Variants in PIEZO1 observed in about 807,000 individuals in gnomAD.
PIEZO1 encodes piezo-type mechanosensitive ion channel component 1.
PIEZO1 carries 296 observed loss-of-function variants against 297.2 expected under a neutral mutation model. The ratio of observed to expected loss-of-function variants is 1.00; its 90% CI spans 0.91 to 1.10. The LOEUF (loss-of-function observed/expected upper bound fraction) is 1.10. PIEZO1 is among the 50% of genes least tolerant of loss of function. PIEZO1 has a pLI of 0.00. For missense variants in PIEZO1, 5,018 were observed against 3,455.5 expected (o/e 1.45, Z -11.34); for synonymous variants, 2,427 against 1,507.5 (o/e 1.61, Z -14.13).
At chr16:88,725,132 T>A (rs978508710) in intron 29 of PIEZO1, 52 bp from the exon 30 acceptor site, 1 of 1,318,442 alleles carries the variant, frequency 7.6e-7, no homozygotes, top group South Asian at 1.4e-5. Context: ...CCAGGAGGGG[T>A]CGGGGCTGTG....
chr16:88,724,916 G>T (rs868231038), intron 30 of PIEZO1, 93 bp downstream of exon 30: 22 of 799,242 alleles, frequency 2.8e-5, no homozygotes, highest in African/African-American at 3.6e-5. Flanking sequence ...TGGGAGTCGG[G>T]GGAAGGGAGG....
At chr16:88,761,379 C>T (rs1906924954) in intron 1 of PIEZO1, among the ~76,000 whole-genome samples, 1 of 152,244 alleles carries the variant, frequency 6.6e-6, no homozygotes, top group Non-Finnish European at 1.5e-5. Context: ...TCTTGTGGCA[C>T]TGCCCTGCCC....
Position 88,749,494 on chromosome 16 carries a change from G to C in PIEZO1, c.65-15C>G, listed in dbSNP as rs925702869. On this transcript the variant is annotated splice_polypyrimidine_tract_variant and intron_variant, in intron 1 of 50. Transcript: ENST00000301015. ...GAGCAGGCAGGCTGCGGGGAGATGG[G>C]CGTTAACTAGGTCGCCAACAGAGGA... 3.3e-6 allele frequency: 5 copies of C among 1,519,504 alleles called. No homozygotes were observed. The highest frequency in any genetic ancestry group is 2.0e-4 in the Middle Eastern group (1 of 4,942). 94.1% of individuals were successfully genotyped at this position (1,519,504 alleles called of 1,614,324 possible).
intron 10 of PIEZO1, 133 bp downstream of exon 10, chr16:88,737,426 C>T (rs1415177901): frequency 1.6e-6 from 1 of 632,570 alleles, no homozygotes; most frequent in East Asian, 2.9e-5. Context: ...CGTGGATGTC[C>T]TGGGCCCCCG....
rs1455856645 is a variant in PIEZO1 at position 88,720,520 on chromosome 16, T to G, written c.5814A>C (p.Thr1938=). 6.5e-7 allele frequency: 1 copy of G among 1,549,988 alleles called. No homozygotes were observed. Among genetic ancestry groups the G allele is most frequent in the Non-Finnish European group, 8.7e-7 (1 of 1,146,944 alleles). ...GGAAGAAGCGCCGTAGCGGCCGATA[T>G]GTGCCCTGGGCCCTGCGGAAGGGGG... The part of the protein sequence containing the change: ...QGFCLSLAQG[T]YRPLRRFFHD... Residue 1938 remains threonine (T), a synonymous_variant, in exon 41 of 51, where the codon ACA becomes ACC. Coordinates refer to ENST00000301015, the MANE Select transcript of PIEZO1 (RefSeq NM_001142864.4).
chr16:88,721,353 G>A lies in PIEZO1; in HGVS notation c.5481C>T (p.Ala1827=), dbSNP rs181795315. Residue 1827 remains alanine, a synonymous_variant, in exon 39 of 51, where the codon GCC becomes GCT. Coordinates refer to ENST00000301015, the MANE Select transcript of PIEZO1 (RefSeq NM_001142864.4). ...CCGCAGGCACCCCTGGCCCCTCCTC[G>A]GCTCCCTGCTCCTCCTCGCCGCTCT... ...HDKSGEEEQG[A]EEGPGVPAAT... is the part of the protein sequence containing the mutation. 1.1e-4 allele frequency: 165 copies of A among 1,548,812 alleles called. No individual in the cohort carries two copies. In the African/African-American group the frequency reaches 1.8e-3, roughly 17 times the overall value.
At chr16:88,757,537 G>C (rs1026706981) in intron 1 of PIEZO1, among the ~76,000 whole-genome samples, 3 of 6,662 alleles carry the variant, frequency 4.5e-4, no homozygotes, top group Non-Finnish European at 7.3e-4. Flanking sequence ...CTTCTCAAAG[G>C]AAGTGGAGCC....
At chr16:88,749,360 G>C (rs556868303) in intron 2 of PIEZO1, 24 bp downstream of exon 2, 1 of 1,436,526 alleles carries the variant, frequency 7.0e-7, no homozygotes, top group Admixed American at 2.8e-5. Context: ...CCCTGAGAGC[G>C]TGGGCAGGGT....
intron 1 of PIEZO1, among the ~76,000 whole-genome samples, chr16:88,770,345 A>T (rs928715311): frequency 6.6e-6 from 1 of 152,070 alleles, no homozygotes; most frequent in African/African-American, 2.4e-5. Context: ...CCCCGCCTGC[A>T]TCACTTTCTG....
Position 88,731,861 on chromosome 16 carries a change from A to C in PIEZO1, c.3041T>G (p.Leu1014Arg). 2 of 1,018,908 alleles carry C rather than the reference A, an allele frequency of 2.0e-6. No homozygotes were observed. Among genetic ancestry groups the C allele is most frequent in the Non-Finnish European group, 2.4e-6 (2 of 840,936 alleles). The allele number at this position is 1,018,908 out of a possible 1,614,324, so 63.1% of individuals were successfully genotyped here. ...VNVIGQRMNF[L>R]VTLHGCWLVA... Reference sequence around the variant, plus strand: ...CAGCCAGCAACCGTGCAGGGTCACCAGAAAGTTCATGCGCTGCCCGATCAC... The same window carrying C: ...CAGCCAGCAACCGTGCAGGGTCACCCGAAAGTTCATGCGCTGCCCGATCAC... Residue 1014 changes from leucine to arginine, a missense_variant, in exon 22 of 51, where the codon CTG becomes CGG. Physicochemically the swap from Leu to Arg is moderately radical, Grantham distance 102. Transcript: ENST00000301015.
At chr16:88,752,187 C>G (rs137878379) in intron 1 of PIEZO1, among the ~76,000 whole-genome samples, 1 of 152,192 alleles carries the variant, frequency 6.6e-6, no homozygotes, top group Admixed American at 6.5e-5. Context: ...ATGCGGCTAA[C>G]GTGACAAACT....
intron 1 of PIEZO1, among the ~76,000 whole-genome samples, chr16:88,757,319 C>CCG (rs1906715873): frequency 2.0e-4 from 2 of 10,240 alleles, no homozygotes; most frequent in South Asian, 5.8e-3. Context: ...GCGTTGCTGG[C>CCG]GGGGGGGTGG....
rs1321672843 is a variant in PIEZO1 at position 88,766,509 on chromosome 16, GCCGCCTGTGTGGTCCCTCCCAGCAC to G, written c.65-17055_65-17031del. Among the ~76,000 whole-genome samples the G allele has an allele frequency of 2.0e-5, 3 of 152,234 alleles. No homozygotes were observed. The East Asian group carries it at 5.8e-4, about 29-fold the overall frequency. Reference sequence around the variant, plus strand: ...CGAGGCCTGGGGACCCCGAGTTCCTGCCGCCTGTGTGGTCCCTCCCAGCACCTGGCAGGGCCCAAAGGGGAAGCTC... The same window carrying G: ...CGAGGCCTGGGGACCCCGAGTTCCTGCTGGCAGGGCCCAAAGGGGAAGCTC... On this transcript the variant is annotated intron_variant, in intron 1 of 50. Transcript: ENST00000301015.
intron 30 of PIEZO1, 137 bp downstream of exon 30, chr16:88,724,872 C>T (rs140556951): frequency 3.5e-6 from 2 of 568,638 alleles, no homozygotes; most frequent in African/African-American, 2.0e-5. Context: ...CCCCCCGACC[C>T]AGGAGGCCTG....
chr16:88,751,008 G>A (rs780472766), intron 1 of PIEZO1, among the ~76,000 whole-genome samples: 6 of 152,104 alleles, frequency 3.9e-5, no homozygotes, highest in South Asian at 4.1e-4. Flanking sequence ...TGTAGCCAAC[G>A]AGATCCCTCC....
At chr16:88,727,474 T>G (rs1904536176) in intron 23 of PIEZO1, 83 bp downstream of exon 23, 1 of 657,098 alleles carries the variant, frequency 1.5e-6, no homozygotes, top group Non-Finnish European at 2.7e-6. Flanking sequence ...TGCACGCCTG[T>G]GTGCACACTT....
chr16:88,734,024 C>T lies in PIEZO1; in HGVS notation c.2211G>A (p.Leu737=). The change falls in exon 17 of 51, where the codon CTG becomes CTA. Residue 737 remains leucine (L), a synonymous_variant. Transcript: ENST00000301015. ...RQDAVSGTPL[L]REEQQEHQQQ... is the part of the protein sequence containing the mutation. ...GCTGATGCTCCTGCTGCTCCTCCCG[C>T]AGCAGTGGGGTCCCACTCACTGCAT... 5 of 1,544,334 alleles carry T rather than the reference C, an allele frequency of 3.2e-6. No individual in the cohort carries two copies. Among genetic ancestry groups the T allele is most frequent in the South Asian group, 1.2e-5 (1 of 83,342 alleles).
At chr16:88,735,300 C>A in intron 12 of PIEZO1, 54 bp from the exon 13 acceptor site, 1 of 1,294,076 alleles carries the variant, frequency 7.7e-7, no homozygotes, top group Non-Finnish European at 1.1e-6. Context: ...ACCCCTCCCA[C>A]AGCCGGGGGA....
At position 88,742,637 on chromosome 16, in the gene PIEZO1, T is replaced by C. The variant is rs184328827; in HGVS notation, c.161-215A>G. ...TGTCACAAGGAGCCGGGCATCCTCCTGGGGGTGGCAGCAGGATGGGCCTGG... is the reference window on the plus strand; with the variant it reads ...TGTCACAAGGAGCCGGGCATCCTCCCGGGGGTGGCAGCAGGATGGGCCTGG... On this transcript the variant is annotated intron_variant, in intron 2 of 50. Transcript: ENST00000301015. 1,124 of 543,176 alleles carry C rather than the reference T, an allele frequency of 2.1e-3. 1 individual carries two copies. Among genetic ancestry groups the C allele is most frequent in the Non-Finnish European group, 3.2e-3 (996 of 307,144 alleles). The allele number at this position is 543,176 out of a possible 1,614,324, so 33.6% of individuals were successfully genotyped here.
Sources: allele counts gnomAD v4.1 joint callset (sites outside exome capture counted in the v4.1 genomes callset), GRCh38; gene constraint gnomAD v4.1.1; transcripts MANE v1.5; gene names NCBI Gene and HGNC (gene_info 2026-07-23, HGNC 2026-07-21).